The following DPP6 variants were observed in gnomAD, a reference collection of about 807,000 sequenced individuals.
The protein encoded by DPP6 is A-type potassium channel modulatory protein DPP6.
DPP6 carries 69 observed loss-of-function variants against 122.6 expected under a neutral mutation model. That is an observed-to-expected ratio of 0.56 (90% CI 0.46 to 0.69). The LOEUF is 0.69. Ranked by LOEUF, DPP6 falls within the 30% of genes least tolerant of loss-of-function variation. DPP6 has a pLI of 0.00. For missense variants in DPP6, 928 were observed against 1,116.9 expected, an observed-to-expected ratio of 0.83 and a Z score of 2.41; for synonymous variants, 418 against 433.1, an observed-to-expected ratio of 0.97 and a Z score of 0.43.
At chr7:154,515,620 C>T (rs550903093) in intron 3 of DPP6, among the ~76,000 whole-genome samples, 1 of 152,202 alleles carries the variant, frequency 6.6e-6, no homozygotes, top group Non-Finnish European at 1.5e-5. Context: ...GGACTACAGG[C>T]ACGTGCTACC....
At chr7:154,522,584 A>G (rs1827085225) in intron 3 of DPP6, among the ~76,000 whole-genome samples, 1 of 152,168 alleles carries the variant, frequency 6.6e-6, no homozygotes, top group Non-Finnish European at 1.5e-5. Context: ...GGAAAGAAAT[A>G]TTACTAGAAA....
chr7:154,032,265 G>GT (rs1264927265), intron 1 of DPP6, among the ~76,000 whole-genome samples: 3 of 152,120 alleles, frequency 2.0e-5, no homozygotes, highest in African/African-American at 7.2e-5. Flanking sequence ...GGACAAGGAC[G>GT]TTGCAGGTGG....
chr7:153,834,500 C>G, the DPP6 span, among the ~76,000 whole-genome samples: 1 of 151,982 alleles, frequency 6.6e-6, no homozygotes, highest in East Asian at 1.9e-4. Context: ...ACTTTACTTG[C>G]TTCTTCTAAA....
intron 1 of DPP6, among the ~76,000 whole-genome samples, chr7:154,259,216 G>A (rs1244052909): frequency 1.3e-5 from 2 of 152,130 alleles, no homozygotes; most frequent in African/African-American, 2.4e-5. Flanking sequence ...ACACATATGC[G>A]AACAGGAAAT....
chr7:154,340,532 GATTTTA>G (rs1328625538), intron 1 of DPP6, among the ~76,000 whole-genome samples: 3 of 152,118 alleles, frequency 2.0e-5, no homozygotes, highest in African/African-American at 7.2e-5. Flanking sequence ...TTATCCCTCT[GATTTTA>G]ATGAGTGTAT....
At chr7:154,494,299 T>C (rs1470008215) in intron 3 of DPP6, among the ~76,000 whole-genome samples, 1 of 151,724 alleles carries the variant, frequency 6.6e-6, no homozygotes, top group Non-Finnish European at 1.5e-5. Context: ...CAGGCTGTGG[T>C]GGGCTGACAT....
the DPP6 span, among the ~76,000 whole-genome samples, chr7:153,835,474 C>T: frequency 8.6e-5 from 13 of 151,932 alleles, no homozygotes; most frequent in Non-Finnish European, 2.9e-5. Context: ...TTGGTTAATC[C>T]GCTTTAGTAT....
At chr7:153,823,921 A>G in the DPP6 span, among the ~76,000 whole-genome samples, 2 of 152,118 alleles carry the variant, frequency 1.3e-5, no homozygotes, top group African/African-American at 4.8e-5. Flanking sequence ...GTGCATTTTC[A>G]TAAGTCATTA....
chr7:154,107,343 C>A (rs1321840385), intron 1 of DPP6, among the ~76,000 whole-genome samples: 1 of 152,166 alleles, frequency 6.6e-6, no homozygotes. Flanking sequence ...CACAGAAAGA[C>A]AAATACCACA....
At chr7:154,652,277 T>C (rs1451632791) in intron 6 of DPP6, among the ~76,000 whole-genome samples, 1 of 150,704 alleles carries the variant, frequency 6.6e-6, no homozygotes, top group East Asian at 1.9e-4. Context: ...TTTTTTTTCC[T>C]ATACTGTACA....
chr7:154,571,479 A>G (rs1381527910), intron 5 of DPP6, among the ~76,000 whole-genome samples: 1 of 152,230 alleles, frequency 6.6e-6, no homozygotes, highest in Non-Finnish European at 1.5e-5. Context: ...GTAGCCTAGT[A>G]TTAATATCTT....
chr7:154,723,851 CT>C (rs1841939603), intron 7 of DPP6, among the ~76,000 whole-genome samples: 1 of 152,178 alleles, frequency 6.6e-6, no homozygotes, highest in Admixed American at 6.6e-5. Context: ...GTCCGCATGC[CT>C]GATTTCTGTA....
the DPP6 span, among the ~76,000 whole-genome samples, chr7:153,828,182 G>A: frequency 3.3e-5 from 5 of 152,148 alleles, no homozygotes; most frequent in African/African-American, 9.7e-5. Flanking sequence ...CACTTCCTCT[G>A]CAGTGCAGTG....
At position 153,964,999 on chromosome 7, in the gene DPP6, TCTTCCTTCCTTC is replaced by T. The variant is rs1209264469; in HGVS notation, c.51+77289_51+77300del. ...TTTTCCCTTCCTTCCTTCCTTCCTT[TCTTCCTTCCTTC>T]CTTCCTTCCTTCCTTCCTTCCTTTC... On this transcript the variant is annotated intron_variant, in intron 1 of 25. Transcript: ENST00000404039. Among the ~76,000 whole-genome samples the T allele has an allele frequency of 2.3e-3, 143 of 62,460 alleles. 1 individual carries two copies. Among genetic ancestry groups the T allele is most frequent in the Admixed American group, 0.018 (89 of 4,824 alleles). The allele number at this position is 62,460 out of a possible 152,430, so 41.0% of individuals were successfully genotyped here. A position where few individuals can be genotyped will look rare whatever the true frequency, so the allele number is the denominator to read the frequency against.
At chr7:154,587,723 C>G (rs1353993557) in intron 5 of DPP6, 1 of 1,557,782 alleles carries the variant, frequency 6.4e-7, no homozygotes, top group African/African-American at 1.4e-5. Flanking sequence ...GTAAGTCAAG[C>G]CTGTAGCCCA....
rs79680245 is a variant in DPP6, at chr7:154,367,586, A to G, written c.244-78628A>G. Among the ~76,000 whole-genome samples the G allele has an allele frequency of 9.2e-3, 1,402 of 152,284 alleles. 21 individuals carry two copies. The highest frequency in any genetic ancestry group is 0.032 in the African/African-American group (1,332 of 41,536). ...GAAAAGCCAAAAGTCTGTTTTTATG[A>G]TATAGGTTTGTTTTCTTGACTTTTC... On this transcript the variant is annotated intron_variant, in intron 1 of 25. Coordinates refer to ENST00000377770, the MANE Select transcript of DPP6 (RefSeq NM_130797.4).
intron 1 of DPP6, among the ~76,000 whole-genome samples, chr7:154,012,948 C>T (rs192171087): frequency 2.0e-5 from 3 of 152,316 alleles, no homozygotes; most frequent in East Asian, 1.9e-4. Flanking sequence ...GGCTGTTTCA[C>T]GACAGGCTGT....
intron 1 of DPP6, among the ~76,000 whole-genome samples, chr7:154,004,930 T>C (rs1311968672): frequency 6.6e-6 from 1 of 152,200 alleles, no homozygotes; most frequent in Non-Finnish European, 1.5e-5. Context: ...CCTATAATAG[T>C]TGTTAATGGT....
At chr7:153,861,049 T>C in the DPP6 span, among the ~76,000 whole-genome samples, 17 of 152,338 alleles carry the variant, frequency 1.1e-4, 1 homozygote, top group Admixed American at 9.8e-4. Flanking sequence ...TCTTCAGCTA[T>C]TTTACCATTT....
Sources: allele counts gnomAD v4.1 joint callset (sites outside exome capture counted in the v4.1 genomes callset), GRCh38; gene constraint gnomAD v4.1.1; transcripts MANE v1.5; gene names NCBI Gene and HGNC (gene_info 2026-07-23, HGNC 2026-07-21).